The following INF2 variants were observed in gnomAD, a reference collection of about 807,000 sequenced individuals.
INF2 encodes the protein inverted formin-2.
A neutral mutation model predicts 123.5 loss-of-function variants in INF2; 43 were observed. That is an observed-to-expected ratio of 0.35 (90% confidence interval 0.27 to 0.45). INF2 has a LOEUF of 0.45. Among genes scored for constraint, INF2 ranks in the 20% least tolerant of loss-of-function variants. INF2 has a pLI of 1.00. For missense variants in INF2, 1,453 were observed against 1,682.7 expected, an observed-to-expected ratio of 0.86 and a Z score of 2.39; for synonymous variants, 851 against 745.0, an observed-to-expected ratio of 1.14 and a Z score of -2.32.
chr14:104,705,628 GA>G (rs1555373917), intron 5 of INF2, among the ~76,000 whole-genome samples: 1 of 152,176 alleles, frequency 6.6e-6, no homozygotes, highest in Non-Finnish European at 1.5e-5. Context: ...CAGCCCTGTG[GA>G]CCCACCTCAG....
intron 22 of INF2, chr14:104,715,593 C>T (rs979595824): frequency 2.5e-5 from 15 of 602,732 alleles, no homozygotes; most frequent in Middle Eastern, 4.4e-4. Flanking sequence ...CCCGGGCATG[C>T]GGGCCTCGAG....
chr14:104,704,275 A>G (rs1016549182), intron 5 of INF2: 7 of 982,572 alleles, frequency 7.1e-6, no homozygotes, highest in African/African-American at 6.5e-5. Context: ...TGAAATGCCA[A>G]TAAGAGGGAA....
chr14:104,695,842 C>T (rs191902908), intron 1 of INF2, among the ~76,000 whole-genome samples: 41 of 152,256 alleles, frequency 2.7e-4, no homozygotes, highest in African/African-American at 9.6e-4. Flanking sequence ...GCCACCTCCA[C>T]CGACACTTGC....
At chr14:104,698,840 G>A (rs937259730) in intron 1 of INF2, among the ~76,000 whole-genome samples, 3 of 152,214 alleles carry the variant, frequency 2.0e-5, no homozygotes, top group East Asian at 1.9e-4. Flanking sequence ...ATGCCGGGCC[G>A]CAGCCCAGCG....
chr14:104,698,945 G>A (rs1215488428), intron 1 of INF2, among the ~76,000 whole-genome samples: 1 of 152,208 alleles, frequency 6.6e-6, no homozygotes, highest in East Asian at 1.9e-4. Context: ...AGGCACGGGG[G>A]TATAGGAACC....
chr14:104,703,239 G>C lies in INF2; in HGVS notation c.507+19G>C. The C allele has an allele frequency of 6.2e-7, 1 of 1,613,032 alleles. No homozygotes were observed. The highest frequency in any genetic ancestry group is 1.3e-5 in the African/African-American group (1 of 75,052). On this transcript the variant is annotated intron_variant, in intron 3 of 22. Transcript: ENST00000392634. Reference sequence around the variant, plus strand: ...CTACAAGGTGGGCGGCAGGGCCTGGGCCTGGGCACATGGGGCTCCCTGCCT... The same window carrying C: ...CTACAAGGTGGGCGGCAGGGCCTGGCCCTGGGCACATGGGGCTCCCTGCCT...
Position 104,707,415 on chromosome 14 carries a change from T to G in INF2, c.1148T>G (p.Val383Gly), listed in dbSNP as rs1453254320. 6.3e-7 allele frequency: 1 copy of G among 1,580,588 alleles called. No individual in the cohort carries two copies. Among genetic ancestry groups the G allele is most frequent in the East Asian group, 2.3e-5 (1 of 42,610 alleles). The change falls in exon 8 of 23, where the codon GTG becomes GGG. Residue 383 changes from valine (V) to glycine (G), a missense_variant. By Grantham distance (109) the Val-to-Gly change is moderately radical. Around this residue, in one of 8 missense-constraint regions of INF2, gnomAD observed 374 missense variants for 303.7 expected, o/e 1.23. Transcript: ENST00000392634. Reference protein sequence around the residue: ...PQNTTTPKPSVEGQQPAAAAA... With the variant: ...PQNTTTPKPSGEGQQPAAAAA... Reference sequence around the variant, plus strand: ...AACACTACAACCCCCAAGCCCAGCGTGGAGGGCCAGCAGCCAGCAGCAGCT... The same window carrying G: ...AACACTACAACCCCCAAGCCCAGCGGGGAGGGCCAGCAGCCAGCAGCAGCT...
At chr14:104,694,710 G>A (rs558139097) in intron 1 of INF2, among the ~76,000 whole-genome samples, 4 of 152,160 alleles carry the variant, frequency 2.6e-5, no homozygotes, top group Non-Finnish European at 5.9e-5. Context: ...GCCCCTGGCC[G>A]TGCTGGGTGC....
intron 1 of INF2, among the ~76,000 whole-genome samples, chr14:104,681,881 G>A (rs146323801): frequency 6.6e-6 from 1 of 152,228 alleles, no homozygotes; most frequent in Non-Finnish European, 1.5e-5. Flanking sequence ...GCCAGGCAGG[G>A]AGCCAGGCAG....
intron 22 of INF2, among the ~76,000 whole-genome samples, chr14:104,717,375 C>G (rs550817536): frequency 1.1e-4 from 16 of 152,132 alleles, no homozygotes; most frequent in African/African-American, 2.9e-4. Context: ...CCCAGTCCCC[C>G]CCGGGCAGGG....
In INF2 at chr14:104,713,280, G is replaced by T; in HGVS notation, c.2849G>T (p.Arg950Leu). The change falls in exon 19 of 23, where the codon CGG becomes CTG. Residue 950 changes from arginine (R) to leucine (L), a missense_variant. Transcript: ENST00000392634. ...RKQQLAEEEA[R>L]RPRGEDGKPV... ...CAGCAGCTGGCGGAGGAGGAGGCGC[G>T]GCGGCCTCGGGGAGAGGACGGGAAG... 5.8e-6 allele frequency: 9 copies of T among 1,550,338 alleles called. No individual in the cohort carries two copies. Among genetic ancestry groups the T allele is most frequent in the African/African-American group, 1.4e-5 (1 of 73,170 alleles).
chr14:104,681,651 A>G (rs1475982427), intron 1 of INF2: 1 of 1,230,294 alleles, frequency 8.1e-7, no homozygotes, highest in African/African-American at 1.5e-5. Flanking sequence ...GGGGGCGGAG[A>G]GGTGGCTGCA....
At position 104,699,399 on chromosome 14, in the gene INF2, C is replaced by T. The variant is rs1207575807; in HGVS notation, c.-9-1958C>T. The T allele has an allele frequency of 7.1e-6, 7 of 985,196 alleles. No individual in the cohort carries two copies. Among genetic ancestry groups the T allele is most frequent in the Non-Finnish European group, 7.2e-6 (6 of 829,910 alleles). 61.0% of individuals were successfully genotyped at this position (985,196 alleles called of 1,614,324 possible). ...GGGAATATATGCAGAGGCCCGGCTG[C>T]CTGGCTCTTCATGGTGGTGGGAGCA... On this transcript the variant is annotated intron_variant, in intron 1 of 22. Coordinates refer to ENST00000392634, the MANE Select transcript of INF2 (RefSeq NM_022489.4). The surrounding 1 kb of genome is among the most constrained non-coding windows in gnomAD (Gnocchi z 4.7).
rs534561202 is a variant in INF2 at position 104,719,081 on chromosome 14, C to T, written c.*288C>T. On this transcript the variant is annotated 3_prime_UTR_variant, in exon 23 of 23. Transcript: ENST00000392634. Reference sequence around the variant, plus strand: ...ACCCTGGCCCACACCCGCATGCGCCCGGTGCAGCCTGCCAAGGGCCAGTCG... The same window carrying T: ...ACCCTGGCCCACACCCGCATGCGCCTGGTGCAGCCTGCCAAGGGCCAGTCG... The T allele has an allele frequency of 2.3e-4, 133 of 570,370 alleles. No individual in the cohort carries two copies. The South Asian group carries it at 3.5e-3, about 15-fold the overall frequency. The allele number at this position is 570,370 out of a possible 1,614,324, so 35.3% of individuals were successfully genotyped here.
rs1388284378 is a variant in INF2 at position 104,720,071 on chromosome 14, TC to T, written c.*1282del. ...TCTCGCACCCATCAGTCCGACCCCT[TC>T]CCCGTGCTCCTCCCCAGCCCTGGCA... On this transcript the variant is annotated 3_prime_UTR_variant, in exon 23 of 23. Transcript: ENST00000392634. The T allele has an allele frequency of 6.5e-6, 1 of 153,242 alleles. No homozygotes were observed. The highest frequency in any genetic ancestry group is 2.4e-5 in the African/African-American group (1 of 41,426). The allele number at this position is 153,242 out of a possible 1,614,324, so 9.5% of individuals were successfully genotyped here.
rs2140686584 is a variant in INF2 at position 104,711,819 on chromosome 14, C to G, written c.2489+120C>G. ...CACAGCTGCAGCGCAGCCCCGGCGC[C>G]ACGGAGCCCTGCCCAATAGAACACT... On this transcript the variant is annotated intron_variant, in intron 16 of 22. Coordinates refer to ENST00000392634, the MANE Select transcript of INF2 (RefSeq NM_022489.4). 3 of 840,062 alleles carry G rather than the reference C, an allele frequency of 3.6e-6. No homozygotes were observed. In the South Asian group the frequency reaches 4.8e-5, roughly 13 times the overall value. The allele number at this position is 840,062 out of a possible 1,614,324, so 52.0% of individuals were successfully genotyped here.
Position 104,718,930 on chromosome 14 carries a change from G to T in INF2, c.*137G>T. On this transcript the variant is annotated 3_prime_UTR_variant, in exon 23 of 23. Coordinates refer to ENST00000392634, the MANE Select transcript of INF2 (RefSeq NM_022489.4). ...CCAAAACTCCGTGCCTTACCCAGCC[G>T]GGGCCCTCCTGGAGCCTTCTTGGGG... The T allele has an allele frequency of 2.7e-6, 4 of 1,481,076 alleles. No individual in the cohort carries two copies. The highest frequency in any genetic ancestry group is 5.1e-5 in the Admixed American group (2 of 39,024). 91.7% of individuals were successfully genotyped at this position (1,481,076 alleles called of 1,614,324 possible).
intron 1 of INF2, among the ~76,000 whole-genome samples, chr14:104,696,453 C>G (rs78433427): frequency 6.6e-6 from 1 of 152,254 alleles, no homozygotes; most frequent in South Asian, 2.1e-4. Context: ...TGTGCACAGA[C>G]CCTCCCTGGG....
chr14:104,703,773 A>G, intron 4 of INF2, 143 bp from the exon 5 acceptor site: 1 of 1,232,150 alleles, frequency 8.1e-7, no homozygotes, highest in Non-Finnish European at 1.1e-6. Context: ...TGTGTCCAGC[A>G]TGATGTCTCC....
Sources: gnomAD v4.1 joint callset for allele counts (sites outside exome capture counted in the v4.1 genomes callset) on GRCh38, gnomAD v4.1.1 for gene constraint, gnomAD v4.1.1 regional missense constraint, Gnocchi (gnomAD v3.1) non-coding constraint, MANE v1.5 for transcripts, NCBI Gene and HGNC (gene_info 2026-07-23, HGNC 2026-07-21) for gene names.